Variants in SGCB observed in about 807,000 individuals in gnomAD.
SGCB encodes sarcoglycan beta.
In SGCB, 25 loss-of-function variants were observed where a neutral mutation model predicts 27.3. The observed-to-expected ratio is 0.92, with a 90% confidence interval of 0.67 to 1.28. The LOEUF (loss-of-function observed/expected upper bound fraction) is 1.28, where lower values mean the gene tolerates loss of function less well. SGCB is among the 50% of genes most tolerant of loss of function. The pLI is 0.00. For synonymous variants in SGCB, 147 were observed against 133.5 expected (o/e 1.10, Z -0.70); for missense variants, 436 against 402.1 (o/e 1.08, Z -0.72).
intron 1 of SGCB, 33 bp downstream of exon 1, chr4:52,038,194 C>T (rs1690171944): frequency 3.3e-6 from 4 of 1,226,020 alleles, no homozygotes; most frequent in South Asian, 3.3e-5. Flanking sequence ...TCCCCCGCTC[C>T]TCCAGCCCGC....
At chr4:52,030,969 G>A (rs1737229898) in intron 2 of SGCB, among the ~76,000 whole-genome samples, 2 of 152,112 alleles carry the variant, frequency 1.3e-5, no homozygotes, top group South Asian at 4.1e-4. Context: ...GAAAGCCATT[G>A]CTTTATTGCC....
At chr4:52,031,143 C>T (rs1220832291) in intron 2 of SGCB, among the ~76,000 whole-genome samples, 2 of 151,946 alleles carry the variant, frequency 1.3e-5, no homozygotes, top group African/African-American at 4.8e-5. Flanking sequence ...TTATGCATTA[C>T]GCTGGACCCA....
At chr4:52,030,207 AT>A (rs1411094279) in intron 2 of SGCB, among the ~76,000 whole-genome samples, 1 of 152,092 alleles carries the variant, frequency 6.6e-6, no homozygotes, top group Non-Finnish European at 1.5e-5. Flanking sequence ...AAATATATGT[AT>A]TTCTTCTAAA....
In SGCB at chr4:52,033,439, TGATGACAGCCAG is replaced by T; in HGVS notation, c.223_234del (p.Leu75_Ile78del). The T allele has an allele frequency of 6.2e-7, 1 of 1,607,394 alleles. No homozygotes were observed. The highest frequency in any genetic ancestry group is 1.1e-5 in the South Asian group (1 of 90,946). The stretch of plus-strand genomic sequence containing the variant: ...TTCTTACAAATACTCACTATTAAAT[TGATGACAGCCAG>T]GATAAACAAGAGGATAATCACACAG... On this transcript the variant is annotated inframe_deletion, in exon 2 of 6. Coordinates refer to ENST00000381431, the MANE Select transcript of SGCB (RefSeq NM_000232.5).
At chr4:52,024,811 G>A (rs935492783) in intron 5 of SGCB, among the ~76,000 whole-genome samples, 2 of 114,954 alleles carry the variant, frequency 1.7e-5, no homozygotes, top group African/African-American at 3.3e-5. Flanking sequence ...CTGGGTGACT[G>A]AGCGAGACAC....
chr4:52,033,399 C>G, intron 2 of SGCB, 32 bp downstream of exon 2: 1 of 1,412,642 alleles, frequency 7.1e-7, no homozygotes, highest in South Asian at 1.2e-5. Context: ...TTCCCCATGG[C>G]AATTAAAATG....
In SGCB at chr4:52,021,216, T is replaced by TTGTCACCC. The variant is rs1197507122; in HGVS notation, c.*2733_*2740dup. On this transcript the variant is annotated 3_prime_UTR_variant, in exon 6 of 6. Coordinates refer to ENST00000381431, the MANE Select transcript of SGCB (RefSeq NM_000232.5). Reference sequence around the variant, plus strand: ...TGCGCCCCCTCCCGGGGTCCTATCTTTGTCACCCACCTCCCCCATGGCTAC... The same window carrying TTGTCACCC: ...TGCGCCCCCTCCCGGGGTCCTATCTTTGTCACCCTGTCACCCACCTCCCCCATGGCTAC... 3 of 152,194 alleles carry TTGTCACCC rather than the reference T, an allele frequency of 2.0e-5. No individual in the cohort carries two copies. Among genetic ancestry groups the TTGTCACCC allele is most frequent in the Admixed American group, 6.5e-5 (1 of 15,276 alleles). 9.4% of individuals were successfully genotyped at this position (152,194 alleles called of 1,614,324 possible).
chr4:52,035,485 G>A (rs1737361523), intron 1 of SGCB, among the ~76,000 whole-genome samples: 1 of 152,122 alleles, frequency 6.6e-6, no homozygotes, highest in African/African-American at 2.4e-5. Flanking sequence ...AGAGGAAGTT[G>A]GAAAAGTAGG....
intron 2 of SGCB, 63 bp downstream of exon 2, chr4:52,033,368 C>G (rs935722474): frequency 6.0e-6 from 6 of 1,007,584 alleles, no homozygotes; most frequent in Non-Finnish European, 9.4e-6. Context: ...TCTATGATTT[C>G]ACTATAAAGC....
intron 2 of SGCB, among the ~76,000 whole-genome samples, chr4:52,032,208 G>A (rs1313663363): frequency 6.6e-6 from 1 of 152,172 alleles, no homozygotes; most frequent in Admixed American, 6.5e-5. Context: ...ATTTTCAAAT[G>A]ACTTCTCTGT....
intron 5 of SGCB, 152 bp from the exon 6 acceptor site, chr4:52,024,312 C>T: frequency 1.5e-6 from 1 of 650,308 alleles, no homozygotes; most frequent in Non-Finnish European, 2.7e-6. Flanking sequence ...CAATAAAAAA[C>T]AAAATATCAG....
At chr4:52,028,461 C>A (rs1196933167) in intron 4 of SGCB, among the ~76,000 whole-genome samples, 1 of 152,084 alleles carries the variant, frequency 6.6e-6, no homozygotes, top group Admixed American at 6.6e-5. Context: ...CACGGTGAAA[C>A]CCCGTCTCTA....
Position 52,020,996 on chromosome 4 carries a change from ATTTAT to A in SGCB, c.*2956_*2960del, listed in dbSNP as rs886059425. The A allele has an allele frequency of 5.9e-5, 9 of 152,306 alleles. No individual in the cohort carries two copies. The South Asian group carries it at 1.0e-3, about 18-fold the overall frequency. The allele number at this position is 152,306 out of a possible 1,614,324, so 9.4% of individuals were successfully genotyped here. On this transcript the variant is annotated 3_prime_UTR_variant, in exon 6 of 6. Coordinates refer to ENST00000381431, the MANE Select transcript of SGCB (RefSeq NM_000232.5). ...TTCATCATCAAAATTATCACACAAA[ATTTAT>A]TTTGTTTTTTTCACAATGCAAAAAG...
chr4:52,028,821 T>C lies in SGCB; in HGVS notation c.530A>G (p.Asn177Ser). ...GMQFFDPRTQNILFSTDYETH... is the reference protein window; with the variant it reads ...GMQFFDPRTQSILFSTDYETH... Reference sequence around the variant, plus strand: ...TTCATAGTCTGTGCTGAATAAGATATTTTGAGTCCTCGGGTCAAAAAACTG... The same window carrying C: ...TTCATAGTCTGTGCTGAATAAGATACTTTGAGTCCTCGGGTCAAAAAACTG... Residue 177 changes from asparagine (N) to serine (S), a missense_variant, in exon 4 of 6, where the codon AAT becomes AGT. Asn to Ser is a conservative substitution (Grantham distance 46, BLOSUM62 1). Coordinates refer to ENST00000381431, the MANE Select transcript of SGCB (RefSeq NM_000232.5). 3 of 1,613,664 alleles carry C rather than the reference T, an allele frequency of 1.9e-6. No homozygotes were observed. The highest frequency in any genetic ancestry group is 2.5e-6 in the Non-Finnish European group (3 of 1,179,596).
intron 1 of SGCB, 117 bp downstream of exon 1, chr4:52,038,103 CCGCCGAA>C: frequency 2.2e-5 from 18 of 816,996 alleles, no homozygotes; most frequent in East Asian, 7.6e-5. Context: ...CCGATCGGCC[CCGCCGAA>C]CCCAGACCCT....
In SGCB at chr4:52,033,553, T is replaced by C; in HGVS notation, c.121A>G (p.Lys41Glu). Residue 41 changes from lysine to glutamate, a missense_variant, in exon 2 of 6, where the codon AAA (lysine) becomes GAA (glutamate). Coordinates refer to ENST00000381431, the MANE Select transcript of SGCB (RefSeq NM_000232.5). ...TCATCAATCGGAATGTATCCAGCTT[T>C]AAAGTTACTGTTGTGCTCTTTATTG... The part of the protein sequence containing the change: ...SVNKEHNSNF[K>E]AGYIPIDEDR... 5.6e-6 allele frequency: 9 copies of C among 1,613,886 alleles called. No homozygotes were observed. Among genetic ancestry groups the C allele is most frequent in the Non-Finnish European group, 6.8e-6 (8 of 1,179,756 alleles).
intron 5 of SGCB, among the ~76,000 whole-genome samples, chr4:52,024,856 G>C (rs1306066044): frequency 1.1e-5 from 1 of 89,336 alleles, no homozygotes; most frequent in Non-Finnish European, 2.4e-5. Context: ...AAAAAAAAAA[G>C]ACTTTTCCTC....
rs1578122823 is a variant in SGCB at position 52,023,399 on chromosome 4, A to G, written c.*558T>C. The G allele has an allele frequency of 6.5e-6, 1 of 152,966 alleles. No homozygotes were observed. The highest frequency in any genetic ancestry group is 1.5e-5 in the Non-Finnish European group (1 of 68,298). 9.5% of individuals were successfully genotyped at this position (152,966 alleles called of 1,614,324 possible). ...TTTCAAATAAACATTCTTTTACAAA[A>G]TATTTTCTTCCCAGTGCAAAACTAA... On this transcript the variant is annotated 3_prime_UTR_variant, in exon 6 of 6. Coordinates refer to ENST00000381431, the MANE Select transcript of SGCB (RefSeq NM_000232.5).
chr4:52,032,852 T>C (rs925639234), intron 2 of SGCB, among the ~76,000 whole-genome samples: 14 of 152,170 alleles, frequency 9.2e-5, no homozygotes, highest in East Asian at 3.8e-4. Flanking sequence ...ATTAAAAGGA[T>C]TTCTTCATTA....
Sources: gnomAD v4.1 joint callset for allele counts (sites outside exome capture counted in the v4.1 genomes callset) on GRCh38, gnomAD v4.1.1 for gene constraint, MANE v1.5 for transcripts, NCBI Gene and HGNC (gene_info 2026-07-23, HGNC 2026-07-21) for gene names.